SPRY3: variants seen among roughly 807,000 people sequenced by gnomAD.
The protein encoded by SPRY3 is sprouty RTK signaling antagonist 3.
In SPRY3, 15 loss-of-function variants were observed where a neutral mutation model predicts 20.2. The observed-to-expected ratio is 0.74, with a 90% CI of 0.50 to 1.14. The LOEUF is 1.14. Ranked by LOEUF, SPRY3 falls within the 50% of genes most tolerant of loss-of-function variation. The probability of loss-of-function intolerance (pLI) is 0.00; values close to 1 mark genes in which losing one functional copy is unlikely to be tolerated. For missense variants in SPRY3, 364 were observed against 363.9 expected (o/e 1.00, Z 0.00); for synonymous variants, 143 against 136.5 (o/e 1.05, Z -0.33).
downstream of SPRY3, chrX:155,780,134 C>G (rs1437645358): frequency 1.2e-5 from 2 of 166,964 alleles, no homozygotes; most frequent in African/African-American, 4.8e-5. Context: ...ATTTGTTGGC[C>G]AATCTCCTGA....
intron 2 of SPRY3, among the ~76,000 whole-genome samples, chrX:155,657,189 G>C (rs1344300475): frequency 1.6e-4 from 18 of 112,019 alleles, no homozygotes; most frequent in African/African-American, 5.5e-4. Flanking sequence ...AGGCGGGAAT[G>C]TTTAAGTCTG....
At chrX:155,774,957 G>T in exon 4 of SPRY3, 1 of 607,408 alleles carries the variant, frequency 1.6e-6, no homozygotes, top group Non-Finnish European at 2.9e-6. Flanking sequence ...TTTACACCCT[G>T]CCAGCTCAGC....
At chrX:155,734,855 G>C (rs1025005839) in intron 2 of SPRY3, among the ~76,000 whole-genome samples, 5 of 151,388 alleles carry the variant, frequency 3.3e-5, no homozygotes, top group African/African-American at 1.2e-4. Flanking sequence ...CAATTTCTTT[G>C]ATTGCTGCCC....
intron 2 of SPRY3, among the ~76,000 whole-genome samples, chrX:155,662,127 A>G (rs2124553136): frequency 8.9e-6 from 1 of 111,843 alleles, no homozygotes; most frequent in South Asian, 3.7e-4. Flanking sequence ...TTATACTACC[A>G]GAGTTCTTAC....
At chrX:155,733,401 T>C (rs2091147526) in intron 2 of SPRY3, among the ~76,000 whole-genome samples, 2 of 151,020 alleles carry the variant, frequency 1.3e-5, no homozygotes, top group South Asian at 4.2e-4. Flanking sequence ...TACATATACA[T>C]ATATATGCTG....
intron 2 of SPRY3, among the ~76,000 whole-genome samples, chrX:155,753,887 T>C (rs2091273741): frequency 6.6e-6 from 1 of 152,030 alleles, no homozygotes; most frequent in Non-Finnish European, 1.5e-5. Context: ...GCCATTTGTG[T>C]GTCTTTGAAG....
chrX:155,747,533 C>T (rs2091233671), intron 2 of SPRY3, among the ~76,000 whole-genome samples: 1 of 151,898 alleles, frequency 6.6e-6, no homozygotes, highest in Non-Finnish European at 1.5e-5. Context: ...CAAAATATTG[C>T]CCACTCTTTT....
intron 2 of SPRY3, among the ~76,000 whole-genome samples, chrX:155,692,575 C>A (rs1336467766): frequency 9.0e-6 from 1 of 111,351 alleles, no homozygotes; most frequent in African/African-American, 3.3e-5. Context: ...AGAAAAAAAT[C>A]TGCTGAGGTT....
chrX:155,635,840 G>A (rs1557350969), intron 1 of SPRY3, among the ~76,000 whole-genome samples: 1 of 111,801 alleles, frequency 8.9e-6, no homozygotes, highest in East Asian at 2.8e-4. Context: ...AAATCAAAGT[G>A]GAAGTGGCTC....
intron 2 of SPRY3, among the ~76,000 whole-genome samples, chrX:155,735,012 G>A (rs1159453479): frequency 6.6e-6 from 1 of 151,302 alleles, no homozygotes; most frequent in African/African-American, 2.4e-5. Flanking sequence ...TCTAAGCACT[G>A]CTTTTGCTAC....
At chrX:155,708,009 T>C (rs1285976379) in intron 2 of SPRY3, among the ~76,000 whole-genome samples, 1 of 151,370 alleles carries the variant, frequency 6.6e-6, no homozygotes, top group African/African-American at 2.4e-5. Flanking sequence ...AGCTCCTTTT[T>C]AGTTGAATAT....
chrX:155,755,125 A>G (rs1281150941), intron 2 of SPRY3, among the ~76,000 whole-genome samples: 5 of 140,206 alleles, frequency 3.6e-5, no homozygotes, highest in Admixed American at 6.9e-5. Flanking sequence ...AAAAATAAGT[A>G]AAAAGTCTAA....
At chrX:155,704,716 A>C (rs2090937554) in intron 2 of SPRY3, among the ~76,000 whole-genome samples, 1 of 151,694 alleles carries the variant, frequency 6.6e-6, no homozygotes, top group African/African-American at 2.4e-5. Context: ...CAAATTAGGC[A>C]TATTTTATTC....
In SPRY3 at chrX:155,751,795, T is replaced by C. The variant is rs1027623937; in HGVS notation, c.-281-16167T>C. On this transcript the variant is annotated intron_variant, in intron 2 of 3. Transcript: ENST00000675360. ...GAATTACTTTGTTGAAGATTGGACA[T>C]AGTGATTCTGCCAGGATGCAATATA... 3.3e-5 allele frequency among the ~76,000 whole-genome samples: 5 copies of C among 151,634 alleles called. No individual in the cohort carries two copies. The Admixed American group carries it at 3.3e-4, about 10-fold the overall frequency.
intron 2 of SPRY3, among the ~76,000 whole-genome samples, chrX:155,734,999 C>T (rs1304408933): frequency 6.6e-6 from 1 of 151,566 alleles, no homozygotes; most frequent in Non-Finnish European, 1.5e-5. Context: ...CTATTAATAG[C>T]CTTCTAAGCA....
intron 2 of SPRY3, among the ~76,000 whole-genome samples, chrX:155,727,953 C>T (rs2091109486): frequency 1.3e-5 from 2 of 152,230 alleles, no homozygotes; most frequent in South Asian, 2.1e-4. Context: ...TACCTTTGGT[C>T]TTTGATGTTG....
intron 2 of SPRY3, among the ~76,000 whole-genome samples, chrX:155,727,172 G>A (rs776574140): frequency 4.6e-5 from 7 of 152,266 alleles, no homozygotes; most frequent in East Asian, 1.9e-4. Flanking sequence ...CAAGAGATCC[G>A]CTGTTAGTCT....
chrX:155,735,116 TTATATG>T (rs1436887625), intron 2 of SPRY3, among the ~76,000 whole-genome samples: 1 of 152,012 alleles, frequency 6.6e-6, no homozygotes, highest in Non-Finnish European at 1.5e-5. Flanking sequence ...AATGTGTTAT[TTATATG>T]TATGTTTTTT....
At position 155,649,633 on chromosome X, in the gene SPRY3, C is replaced by G. The variant is rs199501982; in HGVS notation, c.-440-7234C>G. 9.7e-4 allele frequency among the ~76,000 whole-genome samples: 107 copies of G among 110,601 alleles called. No homozygotes were observed. In the East Asian group the frequency reaches 0.025, roughly 26 times the overall value. On this transcript the variant is annotated intron_variant, in intron 1 of 3. Transcript: ENST00000675360. ...TGGAACATATCTCAAAATAATAAGA[C>G]CTATTTATGGCAAACCCACAGCCAA...
Sources: allele counts gnomAD v4.1 joint callset (sites outside exome capture counted in the v4.1 genomes callset), GRCh38; gene constraint gnomAD v4.1.1; transcripts MANE v1.5; gene names NCBI Gene and HGNC (gene_info 2026-07-23, HGNC 2026-07-21).